The following MALRD1 variants were observed in gnomAD, a reference collection of about 807,000 sequenced individuals.
The protein encoded by MALRD1 is MAM and LDL receptor class A domain containing 1, also known as MAM and LDL-receptor class A domain-containing protein 1.
MALRD1 carries 247 observed loss-of-function variants against 242.1 expected under a neutral mutation model. The observed-to-expected ratio is 1.02, with a 90% CI of 0.92 to 1.13. MALRD1 has a LOEUF of 1.13. Ranked by LOEUF, MALRD1 falls within the 50% of genes most tolerant of loss-of-function variation. The probability of loss-of-function intolerance (pLI) is 0.00; values close to 1 mark genes in which losing one functional copy is unlikely to be tolerated. For synonymous variants in MALRD1, 995 were observed against 866.6 expected (o/e 1.15, Z -2.60); for missense variants, 2,989 against 2,533.1 (o/e 1.18, Z -3.86).
intron 30 of MALRD1, among the ~76,000 whole-genome samples, chr10:19,494,625 T>C (rs1837633509): frequency 6.6e-6 from 1 of 152,046 alleles, no homozygotes; most frequent in Admixed American, 6.6e-5. Flanking sequence ...ACAAGAATTT[T>C]ACAATGTAAT....
chr10:19,689,901 T>G (rs1469298529), intron 36 of MALRD1, among the ~76,000 whole-genome samples: 4 of 152,232 alleles, frequency 2.6e-5, no homozygotes, highest in South Asian at 4.1e-4. Flanking sequence ...ACTAAAATTT[T>G]TGGAATCATA....
rs1402191831 is a variant in MALRD1 at position 19,204,292 on chromosome 10, T to G, written c.2105-16T>G. 2.7e-6 allele frequency: 4 copies of G among 1,488,842 alleles called. No individual in the cohort carries two copies. The African/African-American group carries it at 4.3e-5, about 16-fold the overall frequency. 92.2% of individuals were successfully genotyped at this position (1,488,842 alleles called of 1,614,324 possible). A position where few individuals can be genotyped will look rare whatever the true frequency, so the allele number is the denominator to read the frequency against. ...TAGGTTAATGAAGCGTTTTTTTTTT[T>G]TTTTTATCTCAACAGGGCATTTTAT... On this transcript the variant is annotated splice_polypyrimidine_tract_variant and intron_variant, in intron 15 of 39. Coordinates refer to ENST00000454679, the MANE Select transcript of MALRD1 (RefSeq NM_001142308.3).
At chr10:19,693,978 G>C (rs1318645783) in intron 38 of MALRD1, among the ~76,000 whole-genome samples, 1 of 152,030 alleles carries the variant, frequency 6.6e-6, no homozygotes, top group Non-Finnish European at 1.5e-5. Flanking sequence ...AATGGGGAAA[G>C]GATTCCCTAT....
intron 36 of MALRD1, among the ~76,000 whole-genome samples, chr10:19,670,050 C>T (rs966387353): frequency 4.1e-5 from 6 of 146,988 alleles, no homozygotes; most frequent in Admixed American, 3.4e-4. Flanking sequence ...GTATAATGCC[C>T]TCTTCCCTCG....
At chr10:19,523,559 G>A (rs1589193536) in intron 31 of MALRD1, among the ~76,000 whole-genome samples, 1 of 152,250 alleles carries the variant, frequency 6.6e-6, no homozygotes, top group East Asian at 1.9e-4. Flanking sequence ...GTTAATTCAT[G>A]TTTCCAAAGG....
At chr10:19,536,406 T>C (rs1222921492) in intron 32 of MALRD1, among the ~76,000 whole-genome samples, 1 of 151,706 alleles carries the variant, frequency 6.6e-6, no homozygotes, top group African/African-American at 2.4e-5. Flanking sequence ...AACGTGCAGG[T>C]TTGTTTCATT....
At chr10:19,437,699 T>C (rs939043775) in intron 28 of MALRD1, among the ~76,000 whole-genome samples, 12 of 152,128 alleles carry the variant, frequency 7.9e-5, no homozygotes, top group African/African-American at 2.9e-4. Flanking sequence ...TATATACTAA[T>C]GCTAGCTGCT....
At chr10:19,691,907 T>C (rs1842837894) in intron 36 of MALRD1, among the ~76,000 whole-genome samples, 1 of 152,144 alleles carries the variant, frequency 6.6e-6, no homozygotes, top group African/African-American at 2.4e-5. Flanking sequence ...CTGAAATGAC[T>C]TGAATCTCTT....
At chr10:19,248,264 C>G (rs1307502916) in intron 18 of MALRD1, among the ~76,000 whole-genome samples, 1 of 151,712 alleles carries the variant, frequency 6.6e-6, no homozygotes, top group Non-Finnish European at 1.5e-5. Flanking sequence ...GTATTATTTT[C>G]ACTAAAATGA....
intron 33 of MALRD1, among the ~76,000 whole-genome samples, chr10:19,588,948 C>G (rs1457298305): frequency 6.6e-6 from 1 of 152,178 alleles, no homozygotes; most frequent in Admixed American, 6.5e-5. Context: ...CAGTCTAAAG[C>G]AACATTTCTT....
chr10:19,327,522 A>G, intron 22 of MALRD1, 41 bp from the exon 23 acceptor site: 5 of 1,461,188 alleles, frequency 3.4e-6, no homozygotes, highest in Non-Finnish European at 4.6e-6. Context: ...ATTTCTCAAG[A>G]TAAAATACTT....
At chr10:19,626,913 C>T (rs1839679797) in intron 36 of MALRD1, among the ~76,000 whole-genome samples, 1 of 151,750 alleles carries the variant, frequency 6.6e-6, no homozygotes, top group Non-Finnish European at 1.5e-5. Flanking sequence ...AACTTAAAGC[C>T]AAAATTATGA....
At chr10:19,155,807 T>C (rs2131468351) in intron 12 of MALRD1, among the ~76,000 whole-genome samples, 1 of 152,328 alleles carries the variant, frequency 6.6e-6, no homozygotes, top group East Asian at 1.9e-4. Flanking sequence ...TATGGAATAA[T>C]GTCAAGGATT....
intron 36 of MALRD1, among the ~76,000 whole-genome samples, chr10:19,638,155 A>G (rs1474066822): frequency 6.6e-6 from 1 of 151,206 alleles, no homozygotes; most frequent in East Asian, 2.0e-4. Flanking sequence ...TGGCAAAACT[A>G]TCCATGCTAA....
intron 13 of MALRD1, among the ~76,000 whole-genome samples, chr10:19,172,572 T>C (rs1018348065): frequency 1.1e-4 from 17 of 151,414 alleles, no homozygotes; most frequent in Admixed American, 4.6e-4. Context: ...TACCTCAGGA[T>C]TTTACTTCAC....
intron 26 of MALRD1, among the ~76,000 whole-genome samples, chr10:19,363,999 T>C (rs190866346): frequency 2.9e-4 from 44 of 151,430 alleles, no homozygotes; most frequent in African/African-American, 9.7e-4. Flanking sequence ...TATGAAGGAG[T>C]TTGTTTACAA....
intron 33 of MALRD1, among the ~76,000 whole-genome samples, chr10:19,586,444 G>T (rs574838919): frequency 2.6e-5 from 4 of 152,088 alleles, no homozygotes; most frequent in African/African-American, 7.2e-5. Context: ...TCCTTCTAAC[G>T]GACAGGACCC....
intron 2 of MALRD1, among the ~76,000 whole-genome samples, chr10:19,077,744 C>T (rs551346761): frequency 7.9e-5 from 12 of 151,890 alleles, no homozygotes; most frequent in Middle Eastern, 3.4e-3. Context: ...TAAGGGTTCC[C>T]GCTCCAGATT....
intron 11 of MALRD1, among the ~76,000 whole-genome samples, chr10:19,152,810 A>G (rs1468330517): frequency 6.6e-6 from 1 of 152,060 alleles, no homozygotes; most frequent in Non-Finnish European, 1.5e-5. Context: ...TCTACTAGAT[A>G]TTTTATTTCC....
Sources: gnomAD v4.1 joint callset for allele counts (sites outside exome capture counted in the v4.1 genomes callset) on GRCh38, gnomAD v4.1.1 for gene constraint, MANE v1.5 for transcripts, NCBI Gene and HGNC (gene_info 2026-07-23, HGNC 2026-07-21) for gene names.